Variants in NFATC2 observed in about 807,000 individuals in gnomAD.
NFATC2 encodes the protein nuclear factor of activated T cells 2, also known as nuclear factor of activated T-cells, cytoplasmic 2.
In NFATC2, 22 loss-of-function variants were observed where a neutral mutation model predicts 87.3. That is an observed-to-expected ratio of 0.25 (90% CI 0.18 to 0.36). The LOEUF is 0.36. NFATC2 is among the 10% of genes least tolerant of loss of function. The probability of loss-of-function intolerance (pLI) is 1.00; values close to 1 mark genes in which losing one functional copy is unlikely to be tolerated. For synonymous variants in NFATC2, 565 were observed against 542.2 expected, an observed-to-expected ratio of 1.04 and a Z score of -0.58; for missense variants, 1,149 against 1,259.1, an observed-to-expected ratio of 0.91 and a Z score of 1.32.
At chr20:51,449,362 A>G (rs1382218566) in intron 6 of NFATC2, among the ~76,000 whole-genome samples, 1 of 152,128 alleles carries the variant, frequency 6.6e-6, no homozygotes, top group African/African-American at 2.4e-5. Context: ...CTCTGCAGAG[A>G]GCCCTCAGAG....
chr20:51,491,442 GA>G (rs1316000881), intron 3 of NFATC2, among the ~76,000 whole-genome samples: 1 of 152,172 alleles, frequency 6.6e-6, no homozygotes, highest in Non-Finnish European at 1.5e-5. Flanking sequence ...GGTAGACCAG[GA>G]AATATTCAAC....
intron 10 of NFATC2, among the ~76,000 whole-genome samples, chr20:51,397,081 C>T (rs565157833): frequency 2.0e-4 from 31 of 151,314 alleles, no homozygotes; most frequent in African/African-American, 7.1e-4. Flanking sequence ...TTAGTAGTGA[C>T]GGGGTTTCAC....
At chr20:51,412,594 C>G (rs1023226270) in intron 9 of NFATC2, among the ~76,000 whole-genome samples, 1 of 152,174 alleles carries the variant, frequency 6.6e-6, no homozygotes, top group Non-Finnish European at 1.5e-5. Flanking sequence ...CCCCGCTGGC[C>G]TGGTCGGGAG....
intron 1 of NFATC2, among the ~76,000 whole-genome samples, chr20:51,557,853 G>A (rs966979283): frequency 5.3e-5 from 8 of 152,204 alleles, no homozygotes; most frequent in African/African-American, 1.9e-4. Flanking sequence ...TGGTGACCAA[G>A]ACAGGTGTGG....
chr20:51,471,276 C>T (rs1191990476), intron 5 of NFATC2, among the ~76,000 whole-genome samples: 1 of 152,164 alleles, frequency 6.6e-6, no homozygotes, highest in East Asian at 1.9e-4. Context: ...CATCCTGGAA[C>T]ATGAGTCATT....
intron 10 of NFATC2, among the ~76,000 whole-genome samples, chr20:51,396,916 C>G (rs1987236584): frequency 6.6e-6 from 1 of 151,860 alleles, no homozygotes; most frequent in Admixed American, 6.5e-5. Context: ...GTCTTGAGCC[C>G]TCCCCTGTGC....
chr20:51,479,335 G>A (rs1446225342), intron 3 of NFATC2, among the ~76,000 whole-genome samples: 1 of 152,174 alleles, frequency 6.6e-6, no homozygotes, highest in Non-Finnish European at 1.5e-5. Flanking sequence ...CAGTAATACA[G>A]TGCCAGGCAT....
intron 9 of NFATC2, among the ~76,000 whole-genome samples, chr20:51,418,321 C>T (rs73269906): frequency 0.044 from 6,718 of 152,312 alleles, 488 homozygotes; most frequent in African/African-American, 0.15. Flanking sequence ...CCAGGGGCAA[C>T]TCTGCCCCCC....
chr20:51,486,356 G>A (rs1039458244), intron 3 of NFATC2, among the ~76,000 whole-genome samples: 3 of 152,176 alleles, frequency 2.0e-5, no homozygotes, highest in African/African-American at 4.8e-5. Flanking sequence ...AACAAGCCAC[G>A]TTTCTGCCAC....
At chr20:51,502,438 C>T (rs900176409) in intron 3 of NFATC2, among the ~76,000 whole-genome samples, 1 of 152,210 alleles carries the variant, frequency 6.6e-6, no homozygotes, top group African/African-American at 2.4e-5. Context: ...AATCCTTCTA[C>T]TGTAACCTCC....
At chr20:51,424,413 AGG>A (rs1305523184) in intron 9 of NFATC2, among the ~76,000 whole-genome samples, 1 of 152,210 alleles carries the variant, frequency 6.6e-6, no homozygotes, top group East Asian at 1.9e-4. Context: ...CACTGCGGTT[AGG>A]GGAAGAAGAG....
chr20:51,495,648 G>A (rs994299708), intron 3 of NFATC2, among the ~76,000 whole-genome samples: 2 of 152,144 alleles, frequency 1.3e-5, no homozygotes, highest in Non-Finnish European at 1.5e-5. Context: ...GGAGTTTGCC[G>A]GGACCAAGGA....
At chr20:51,558,522 A>G (rs2076997057) in intron 1 of NFATC2, among the ~76,000 whole-genome samples, 1 of 152,064 alleles carries the variant, frequency 6.6e-6, no homozygotes, top group Non-Finnish European at 1.5e-5. Context: ...AATAAATTAT[A>G]CAATAGTAAT....
At chr20:51,529,120 G>C (rs1009194594) in intron 1 of NFATC2, among the ~76,000 whole-genome samples, 2 of 152,032 alleles carry the variant, frequency 1.3e-5, no homozygotes, top group Admixed American at 1.3e-4. Flanking sequence ...ACTGCCCTTC[G>C]AACCAGAAAA....
intron 3 of NFATC2, among the ~76,000 whole-genome samples, chr20:51,491,598 G>A (rs993734335): frequency 1.3e-4 from 20 of 151,996 alleles, no homozygotes; most frequent in East Asian, 1.9e-4. Flanking sequence ...GCACCATTAC[G>A]TGCTACCTCC....
rs754235802 is a variant in NFATC2, at chr20:51,523,507, G to C, written c.734C>G (p.Ser245Cys). Residue 245 changes from serine to cysteine, a missense_variant, in exon 2 of 11, where the codon TCC becomes TGC. By Grantham distance (112) the Ser-to-Cys change is moderately radical (BLOSUM62 -1). Coordinates refer to ENST00000371564, the MANE Select transcript of NFATC2 (RefSeq NM_012340.5). This position sits in a 1 kb window ranked among gnomAD's most constrained non-coding sequence, Gnocchi z 6.9. ...HSPVPRPASR[S>C]SSPGAKRRHS... The stretch of plus-strand genomic sequence containing the variant: ...CCTCCGCTTGGCACCAGGCGATGAG[G>C]AGCGGGAGGCCGGACGGGGCACGGG... 1 of 1,613,146 alleles carries C rather than the reference G, an allele frequency of 6.2e-7. No homozygotes were observed. The highest frequency in any genetic ancestry group is 8.5e-7 in the Non-Finnish European group (1 of 1,179,590).
chr20:51,486,112 G>A (rs919496435), intron 3 of NFATC2, among the ~76,000 whole-genome samples: 3 of 152,084 alleles, frequency 2.0e-5, no homozygotes, highest in Non-Finnish European at 4.4e-5. Flanking sequence ...TCAGGAGACT[G>A]AGACATGAGA....
At position 51,524,169 on chromosome 20, in the gene NFATC2, C is replaced by A; in HGVS notation, c.131-59G>T. ...AGCCTCAAAAACAGAACTCCCGGTG[C>A]AGAGCAATCACAGGCTGGATTTCGT... On this transcript the variant is annotated intron_variant, in intron 1 of 10. Coordinates refer to ENST00000371564, the MANE Select transcript of NFATC2 (RefSeq NM_012340.5). This position sits in a 1 kb window ranked among gnomAD's most constrained non-coding sequence, Gnocchi z 4.0. 1 of 1,365,614 alleles carries A rather than the reference C, an allele frequency of 7.3e-7. No homozygotes were observed. Among genetic ancestry groups the A allele is most frequent in the South Asian group, 2.0e-5 (1 of 50,546 alleles). The allele number at this position is 1,365,614 out of a possible 1,614,324, so 84.6% of individuals were successfully genotyped here. A position where few individuals can be genotyped will look rare whatever the true frequency, so the allele number is the denominator to read the frequency against.
At chr20:51,491,834 C>A (rs2075889865) in intron 3 of NFATC2, among the ~76,000 whole-genome samples, 1 of 151,070 alleles carries the variant, frequency 6.6e-6, no homozygotes, top group Non-Finnish European at 1.5e-5. Context: ...TTCACATCTG[C>A]TCGTTGAGAA....
Sources: allele counts gnomAD v4.1 joint callset (sites outside exome capture counted in the v4.1 genomes callset), GRCh38; gene constraint gnomAD v4.1.1; non-coding constraint Gnocchi (gnomAD v3.1); transcripts MANE v1.5; gene names NCBI Gene and HGNC (gene_info 2026-07-23, HGNC 2026-07-21).